Variants in PATL2 observed in about 807,000 individuals in gnomAD.
PATL2 encodes protein PAT1 homolog 2.
In PATL2, 73 loss-of-function variants were observed where a neutral mutation model predicts 77.0. The observed-to-expected ratio is 0.95, with a 90% CI of 0.78 to 1.15. The LOEUF (loss-of-function observed/expected upper bound fraction) is 1.15, where lower values mean the gene tolerates loss of function less well. Ranked by LOEUF, PATL2 falls within the 50% of genes most tolerant of loss-of-function variation. The pLI is 0.00. For missense variants in PATL2, 618 were observed against 655.4 expected (o/e 0.94, Z 0.62); for synonymous variants, 265 against 257.1 (o/e 1.03, Z -0.29).
chr15:44,700,636 ATTTG>A (rs1305403522), intron 3 of PATL2, among the ~76,000 whole-genome samples: 1 of 151,810 alleles, frequency 6.6e-6, no homozygotes, highest in Non-Finnish European at 1.5e-5. Context: ...ACTTTACTGA[ATTTG>A]TTTATCAGTT....
intron 16 of PATL2, chr15:44,666,750 G>A: frequency 1.8e-6 from 1 of 558,886 alleles, no homozygotes; most frequent in Non-Finnish European, 3.1e-6. Flanking sequence ...AGAACTATGA[G>A]GGGTTAATAC....
intron 8 of PATL2, 100 bp downstream of exon 8, chr15:44,672,288 T>G: frequency 5.9e-6 from 9 of 1,524,716 alleles, no homozygotes; most frequent in Non-Finnish European, 8.0e-6. Flanking sequence ...ATGAGAGTTT[T>G]AACCACCACA....
intron 3 of PATL2, among the ~76,000 whole-genome samples, chr15:44,679,737 T>C (rs2086091255): frequency 6.6e-6 from 1 of 152,130 alleles, no homozygotes; most frequent in Non-Finnish European, 1.5e-5. Context: ...TCCTCCTTTG[T>C]TCTTCTTTCT....
At chr15:44,667,377 T>C (rs1216694824) in intron 15 of PATL2, 174 bp from the exon 16 acceptor site, 3 of 574,296 alleles carry the variant, frequency 5.2e-6, no homozygotes, top group East Asian at 5.8e-5. Context: ...TCTCTAACCC[T>C]TTCCATAGGA....
chr15:44,679,175 G>A (rs1267733713), intron 3 of PATL2, among the ~76,000 whole-genome samples: 1 of 151,682 alleles, frequency 6.6e-6, no homozygotes, highest in African/African-American at 2.4e-5. Flanking sequence ...CAATTCTCCT[G>A]CCTCAGCCTC....
rs747430209 is a variant in PATL2, at chr15:44,703,104, T to A, written c.-76+6992A>T. 3.3e-5 allele frequency among the ~76,000 whole-genome samples: 5 copies of A among 151,982 alleles called. No individual in the cohort carries two copies. The South Asian group carries it at 8.3e-4, about 25-fold the overall frequency. ...TCCTGACTAACGTGGAGAAACCCCA[T>A]CTGTACTAAAAATACAAAAAAATTA... On this transcript the variant is annotated intron_variant, in intron 3 of 17. Transcript: ENST00000682850.
intron 15 of PATL2, among the ~76,000 whole-genome samples, chr15:44,667,668 C>T (rs1224915801): frequency 2.0e-5 from 3 of 152,160 alleles, no homozygotes; most frequent in Admixed American, 6.5e-5. Context: ...ATTGGCTGGG[C>T]GCAGTGGCTC....
intron 3 of PATL2, among the ~76,000 whole-genome samples, chr15:44,687,182 G>A (rs1023535303): frequency 6.6e-6 from 1 of 152,164 alleles, no homozygotes; most frequent in Non-Finnish European, 1.5e-5. Flanking sequence ...ACCAAATCCA[G>A]CAGCACATCA....
At chr15:44,707,263 C>T (rs1211962728) in intron 3 of PATL2, among the ~76,000 whole-genome samples, 1 of 151,936 alleles carries the variant, frequency 6.6e-6, no homozygotes, top group African/African-American at 2.4e-5. Flanking sequence ...TGGCCAAGTC[C>T]CCTTTACTCT....
At chr15:44,706,979 C>T (rs1453424039) in intron 3 of PATL2, among the ~76,000 whole-genome samples, 1 of 152,152 alleles carries the variant, frequency 6.6e-6, no homozygotes, top group Non-Finnish European at 1.5e-5. Context: ...CAAAGTCCTT[C>T]CCACTTTTCC....
intron 3 of PATL2, among the ~76,000 whole-genome samples, chr15:44,707,334 C>G (rs2086760915): frequency 6.6e-6 from 1 of 152,048 alleles, no homozygotes; most frequent in Non-Finnish European, 1.5e-5. Context: ...CTGTAATGTG[C>G]TGGGTCACAC....
chr15:44,701,452 T>C (rs1200191868), intron 3 of PATL2, among the ~76,000 whole-genome samples: 1 of 151,750 alleles, frequency 6.6e-6, no homozygotes, highest in Non-Finnish European at 1.5e-5. Context: ...TCCCAGCAGT[T>C]TGGGAGGCTG....
intron 3 of PATL2, among the ~76,000 whole-genome samples, chr15:44,698,639 T>A (rs2086563498): frequency 6.6e-6 from 1 of 152,266 alleles, no homozygotes; most frequent in Non-Finnish European, 1.5e-5. Flanking sequence ...TCTTCATTCA[T>A]CTGTTGATGG....
At chr15:44,673,955 A>G (rs1445994384) in intron 6 of PATL2, among the ~76,000 whole-genome samples, 195 bp downstream of exon 6, 1 of 152,096 alleles carries the variant, frequency 6.6e-6, no homozygotes, top group Non-Finnish European at 1.5e-5. Flanking sequence ...ACCACTTATT[A>G]AGGTGTCTAT....
At chr15:44,683,044 C>T (rs548694472) in intron 3 of PATL2, among the ~76,000 whole-genome samples, 152 of 152,298 alleles carry the variant, frequency 1.0e-3, no homozygotes, top group African/African-American at 3.4e-3. Flanking sequence ...CCTTGAGGGA[C>T]GGTGCACTCT....
Position 44,709,434 on chromosome 15 carries a change from C to T in PATL2, c.-76+662G>A, listed in dbSNP as rs143471718. Among the ~76,000 whole-genome samples, 1,492 of 152,068 alleles carry T rather than the reference C, an allele frequency of 9.8e-3. 23 individuals are homozygous for T. Among genetic ancestry groups the T allele is most frequent in the African/African-American group, 0.034 (1,401 of 41,490 alleles). On this transcript the variant is annotated intron_variant, in intron 3 of 17. Coordinates refer to ENST00000682850, the MANE Select transcript of PATL2 (RefSeq NM_001387263.1). ...TGGTAACACATGCTTGTGATCCTAGCACTTTAGGAGGCTGGGGAAGGAGGA... is the reference window on the plus strand; with the variant it reads ...TGGTAACACATGCTTGTGATCCTAGTACTTTAGGAGGCTGGGGAAGGAGGA...
intron 3 of PATL2, among the ~76,000 whole-genome samples, chr15:44,687,535 T>C (rs2086287472): frequency 1.3e-5 from 2 of 152,124 alleles, no homozygotes; most frequent in South Asian, 4.1e-4. Flanking sequence ...CTATTCAACA[T>C]AGTATTGGAA....
chr15:44,667,760 T>C (rs908754807), intron 15 of PATL2, among the ~76,000 whole-genome samples: 4 of 152,140 alleles, frequency 2.6e-5, no homozygotes, highest in African/African-American at 9.7e-5. Flanking sequence ...CTGGCCAACA[T>C]GGTGAAACCA....
chr15:44,710,364 A>T (rs967766953), intron 2 of PATL2, among the ~76,000 whole-genome samples, 150 bp from the exon 3 acceptor site: 3 of 152,164 alleles, frequency 2.0e-5, no homozygotes, highest in African/African-American at 7.2e-5. Context: ...TGTTCCTCTT[A>T]GAAAAGATCT....
Sources: allele counts gnomAD v4.1 joint callset (sites outside exome capture counted in the v4.1 genomes callset), GRCh38; gene constraint gnomAD v4.1.1; transcripts MANE v1.5; gene names NCBI Gene and HGNC (gene_info 2026-07-23, HGNC 2026-07-21).